The following TUT7 variants were observed in gnomAD, a reference collection of about 807,000 sequenced individuals.
The protein encoded by TUT7 is terminal uridylyltransferase 7.
TUT7 carries 33 observed loss-of-function variants against 165.9 expected under a neutral mutation model. The observed-to-expected ratio is 0.20, with a 90% CI of 0.15 to 0.27. The LOEUF is 0.27. Among genes scored for constraint, TUT7 ranks in the 10% least tolerant of loss-of-function variants. The probability of loss-of-function intolerance (pLI) is 1.00; values close to 1 mark genes in which losing one functional copy is unlikely to be tolerated. For missense variants in TUT7, 1,338 were observed against 1,762.3 expected, an observed-to-expected ratio of 0.76 and a Z score of 4.31; for synonymous variants, 552 against 608.1, an observed-to-expected ratio of 0.91 and a Z score of 1.36.
At chr9:86,299,572 C>A (rs1826688009) in intron 26 of TUT7, among the ~76,000 whole-genome samples, 1 of 152,160 alleles carries the variant, frequency 6.6e-6, no homozygotes, top group African/African-American at 2.4e-5. Flanking sequence ...GTCAAGACTG[C>A]ATTCTGAAGG....
intron 25 of TUT7, among the ~76,000 whole-genome samples, chr9:86,302,617 CTTTT>C (rs34589090): frequency 7.2e-6 from 1 of 139,484 alleles, no homozygotes; most frequent in East Asian, 2.1e-4. Flanking sequence ...TACACCTGGG[CTTTT>C]TTTTTTTTTT....
At chr9:86,309,787 G>T in intron 19 of TUT7, 141 bp downstream of exon 19, 1 of 939,188 alleles carries the variant, frequency 1.1e-6, no homozygotes, top group Non-Finnish European at 1.6e-6. Context: ...CAAAATTTTA[G>T]CTTTCTTCAT....
chr9:86,335,253 T>TA (rs1227335368), intron 10 of TUT7, among the ~76,000 whole-genome samples: 1 of 152,172 alleles, frequency 6.6e-6, no homozygotes, highest in Non-Finnish European at 1.5e-5. Context: ...CCAGTGCTGG[T>TA]AAACTTGAAA....
chr9:86,310,679 A>G (rs781287032), intron 18 of TUT7, 27 bp downstream of exon 18: 22 of 1,358,442 alleles, frequency 1.6e-5, no homozygotes, highest in African/African-American at 8.6e-5. Flanking sequence ...TAACCTCTCT[A>G]AACAAAAAGC....
At chr9:86,319,284 T>C (rs559416538) in intron 15 of TUT7, among the ~76,000 whole-genome samples, 8 of 152,368 alleles carry the variant, frequency 5.3e-5, no homozygotes, top group African/African-American at 1.9e-4. Context: ...GGTGCTCCTT[T>C]ATTCTTAAAT....
At chr9:86,336,530 C>T (rs1830795077) in intron 10 of TUT7, among the ~76,000 whole-genome samples, 1 of 152,166 alleles carries the variant, frequency 6.6e-6, no homozygotes. Flanking sequence ...TGCTTAATCT[C>T]ACCTTATTCA....
intron 2 of TUT7, among the ~76,000 whole-genome samples, chr9:86,347,724 A>G (rs1264626359): frequency 6.6e-6 from 1 of 152,252 alleles, no homozygotes; most frequent in Non-Finnish European, 1.5e-5. Flanking sequence ...AAAATCAATC[A>G]AAATACACTG....
chr9:86,308,292 G>T, intron 22 of TUT7, 137 bp downstream of exon 22: 1 of 635,080 alleles, frequency 1.6e-6, no homozygotes, highest in Non-Finnish European at 2.4e-6. Context: ...AAAGAGAAAA[G>T]TTGGCCTGGT....
In TUT7 at chr9:86,322,469, T is replaced by C. The variant is rs1174600730; in HGVS notation, c.2884A>G (p.Thr962Ala). The change falls in exon 14 of 27, where the codon ACG becomes GCG. Residue 962 changes from threonine to alanine, a missense_variant. Physicochemically the swap from Thr to Ala is moderately conservative, Grantham distance 58. Transcript: ENST00000375963. ...CGTTTGCATAAGCTGCACACTACCG[T>C]AGGAGACTGCAGGAATATGGCAAAG... ...KLIFTKGKSP[T>A]VVCSLCKREG... 6 of 1,609,540 alleles carry C rather than the reference T, an allele frequency of 3.7e-6. No homozygotes were observed. Among genetic ancestry groups the C allele is most frequent in the Non-Finnish European group, 4.2e-6 (5 of 1,178,818 alleles).
chr9:86,332,416 T>A (rs1277930633), intron 10 of TUT7, among the ~76,000 whole-genome samples: 1 of 152,194 alleles, frequency 6.6e-6, no homozygotes, highest in Non-Finnish European at 1.5e-5. Flanking sequence ...GAGGCCATTA[T>A]CCTTAGCAAA....
intron 11 of TUT7, among the ~76,000 whole-genome samples, chr9:86,327,257 G>A (rs1829875204): frequency 6.6e-6 from 1 of 152,220 alleles, no homozygotes; most frequent in Non-Finnish European, 1.5e-5. Context: ...TGAAACTGGA[G>A]AGACCTTTGA....
At chr9:86,351,688 A>G (rs1454325395) in intron 2 of TUT7, among the ~76,000 whole-genome samples, 1 of 152,218 alleles carries the variant, frequency 6.6e-6, no homozygotes, top group Non-Finnish European at 1.5e-5. Context: ...TAACATGAAG[A>G]GAAAAGGCAT....
chr9:86,294,634 A>T (rs1314621260), intron 26 of TUT7, among the ~76,000 whole-genome samples: 1 of 151,918 alleles, frequency 6.6e-6, no homozygotes, highest in African/African-American at 2.4e-5. Flanking sequence ...CACGCAGTAA[A>T]TAATGTCGAC....
intron 18 of TUT7, 138 bp from the exon 19 acceptor site, chr9:86,310,155 G>C (rs1023077823): frequency 4.4e-5 from 28 of 638,416 alleles, no homozygotes; most frequent in Non-Finnish European, 6.4e-5. Flanking sequence ...CTGGGCTCAA[G>C]TGATCCTCCC....
chr9:86,296,828 C>A (rs1357409800), intron 26 of TUT7, among the ~76,000 whole-genome samples: 2 of 152,192 alleles, frequency 1.3e-5, no homozygotes, highest in East Asian at 3.8e-4. Context: ...ACACCACTTA[C>A]AGGTGAGATA....
rs923770254 is a variant in TUT7 at position 86,323,205 on chromosome 9, C to T, written c.2545G>A (p.Glu849Lys). 7.4e-6 allele frequency: 12 copies of T among 1,614,128 alleles called. No individual in the cohort carries two copies. The highest frequency in any genetic ancestry group is 1.0e-5 in the Non-Finnish European group (12 of 1,180,016). ...TCCTCCTCCTCTTCTTCGTCGTCCT[C>T]CTCCTCTTCATCAGAGGGAATCATT... The part of the protein sequence containing the change: ...SEMIPSDEEE[E>K]DDEEEEEEEE... The change falls in exon 13 of 27, where the codon GAG (glutamate) becomes AAG (lysine). Residue 849 changes from glutamate to lysine, a missense_variant. Glu to Lys is a moderately conservative substitution (Grantham distance 56, BLOSUM62 1). This residue lies in a region of TUT7 where 425 missense variants were observed against 474.9 expected (regional missense o/e 0.89). Transcript: ENST00000375963.
At chr9:86,306,790 C>A (rs1827538542) in intron 22 of TUT7, among the ~76,000 whole-genome samples, 1 of 152,134 alleles carries the variant, frequency 6.6e-6, no homozygotes, top group Non-Finnish European at 1.5e-5. Context: ...GACAGTGAGA[C>A]TCTGTCCCCC....
chr9:86,319,507 G>T, intron 15 of TUT7, 77 bp downstream of exon 15: 2 of 989,244 alleles, frequency 2.0e-6, no homozygotes, highest in South Asian at 1.6e-5. Context: ...CTCAAAATCA[G>T]TGTGCTTGTA....
chr9:86,290,875 A>G (rs1825851468), intron 26 of TUT7, among the ~76,000 whole-genome samples: 2 of 152,122 alleles, frequency 1.3e-5, no homozygotes, highest in African/African-American at 4.8e-5. Context: ...AGAAAAAAAA[A>G]GAGACTACCT....
Sources: gnomAD v4.1 joint callset for allele counts (sites outside exome capture counted in the v4.1 genomes callset) on GRCh38, gnomAD v4.1.1 for gene constraint, gnomAD v4.1.1 regional missense constraint, MANE v1.5 for transcripts, NCBI Gene and HGNC (gene_info 2026-07-23, HGNC 2026-07-21) for gene names.